HPSE2: variants seen among roughly 807,000 people sequenced by gnomAD.
HPSE2 encodes the protein inactive heparanase-2.
HPSE2 carries 38 observed loss-of-function variants against 60.5 expected under a neutral mutation model. The ratio of observed to expected loss-of-function variants is 0.63; its 90% CI spans 0.48 to 0.82. The LOEUF (loss-of-function observed/expected upper bound fraction) is 0.82. Ranked by LOEUF, HPSE2 falls within the 40% of genes least tolerant of loss-of-function variation. The probability of loss-of-function intolerance (pLI) is 0.00; values close to 1 mark genes in which losing one functional copy is unlikely to be tolerated. For missense variants in HPSE2, 713 were observed against 740.4 expected (o/e 0.96, Z 0.43); for synonymous variants, 295 against 293.2 (o/e 1.01, Z -0.06).
upstream of HPSE2, among the ~76,000 whole-genome samples, chr10:99,238,077 A>C (rs1456658883): frequency 1.3e-5 from 2 of 152,240 alleles, no homozygotes; most frequent in Non-Finnish European, 2.9e-5. Flanking sequence ...TCTCCTTCAA[A>C]AAATACTTAA....
chr10:98,498,297 C>T (rs1353375807), intron 9 of HPSE2, among the ~76,000 whole-genome samples: 1 of 152,154 alleles, frequency 6.6e-6, no homozygotes, highest in Non-Finnish European at 1.5e-5. Flanking sequence ...GGCTGAGGGA[C>T]CCATAGATGG....
intron 3 of HPSE2, among the ~76,000 whole-genome samples, chr10:98,752,205 T>C (rs1949774173): frequency 1.3e-5 from 2 of 152,152 alleles, no homozygotes; most frequent in African/African-American, 2.4e-5. Context: ...TAGAAAAATA[T>C]GTGACTGTGA....
At chr10:99,088,404 T>C (rs1328591268) in intron 3 of HPSE2, among the ~76,000 whole-genome samples, 3 of 152,212 alleles carry the variant, frequency 2.0e-5, no homozygotes, top group Non-Finnish European at 4.4e-5. Context: ...TGTATCATTC[T>C]TATGCCTTTG....
At chr10:98,734,483 G>T (rs188365314) in intron 4 of HPSE2, among the ~76,000 whole-genome samples, 1 of 152,226 alleles carries the variant, frequency 6.6e-6, no homozygotes, top group African/African-American at 2.4e-5. Flanking sequence ...GTGTGTGAAG[G>T]TTTCAGTTTC....
the HPSE2 span, among the ~76,000 whole-genome samples, chr10:99,295,390 A>G: frequency 6.6e-6 from 1 of 152,146 alleles, no homozygotes; most frequent in Non-Finnish European, 1.5e-5. Flanking sequence ...CTACTAAATA[A>G]CCACTGATTT....
At chr10:98,755,454 GATC>G (rs1218893030) in intron 3 of HPSE2, among the ~76,000 whole-genome samples, 1 of 152,242 alleles carries the variant, frequency 6.6e-6, no homozygotes, top group East Asian at 1.9e-4. Context: ...GACAGTATTA[GATC>G]ATCGAGGCAG....
intron 3 of HPSE2, among the ~76,000 whole-genome samples, chr10:99,094,405 A>C (rs910441279): frequency 2.0e-5 from 3 of 150,270 alleles, no homozygotes; most frequent in Admixed American, 2.0e-4. Flanking sequence ...ACACACATAT[A>C]CATTTCTATA....
intron 2 of HPSE2, among the ~76,000 whole-genome samples, chr10:99,178,356 AATAG>A (rs776296056): frequency 1.1e-4 from 17 of 152,022 alleles, no homozygotes; most frequent in East Asian, 1.9e-4. Flanking sequence ...AGATTAACAA[AATAG>A]ATAGGCCACT....
intron 3 of HPSE2, among the ~76,000 whole-genome samples, chr10:98,845,672 C>T (rs1422849981): frequency 1.3e-5 from 2 of 152,178 alleles, no homozygotes; most frequent in African/African-American, 4.8e-5. Flanking sequence ...TGTAAGTGAG[C>T]CTTATTACTT....
the HPSE2 span, among the ~76,000 whole-genome samples, chr10:99,284,464 C>A: frequency 6.6e-6 from 1 of 152,080 alleles, no homozygotes; most frequent in Non-Finnish European, 1.5e-5. Context: ...TCACCTTACA[C>A]CAGATACAAA....
intron 9 of HPSE2, among the ~76,000 whole-genome samples, chr10:98,582,593 C>A (rs1944830767): frequency 1.3e-5 from 2 of 152,138 alleles, no homozygotes; most frequent in Non-Finnish European, 2.9e-5. Flanking sequence ...CAAGCCCTGT[C>A]CCTTCCCAGG....
the HPSE2 span, among the ~76,000 whole-genome samples, chr10:99,249,677 T>C: frequency 2.6e-5 from 4 of 152,112 alleles, no homozygotes; most frequent in Admixed American, 6.5e-5. Context: ...TTGGGAGGGA[T>C]TGTGGGCAGA....
intron 3 of HPSE2, among the ~76,000 whole-genome samples, chr10:98,862,799 G>C (rs891038026): frequency 5.9e-5 from 9 of 152,162 alleles, no homozygotes; most frequent in African/African-American, 2.2e-4. Flanking sequence ...GTCTTGCTCT[G>C]TCACCCAGGC....
the HPSE2 span, among the ~76,000 whole-genome samples, chr10:99,287,956 C>A: frequency 6.6e-6 from 1 of 152,138 alleles, no homozygotes; most frequent in African/African-American, 2.4e-5. Context: ...ATTAAGACAG[C>A]ATGAGGTTAG....
At chr10:98,903,761 A>G (rs1953732536) in intron 3 of HPSE2, among the ~76,000 whole-genome samples, 1 of 152,150 alleles carries the variant, frequency 6.6e-6, no homozygotes, top group Admixed American at 6.5e-5. Context: ...TAAAGTACAA[A>G]GTCAAATAAG....
At chr10:99,001,864 G>A (rs1054317728) in intron 3 of HPSE2, among the ~76,000 whole-genome samples, 1 of 152,072 alleles carries the variant, frequency 6.6e-6, no homozygotes, top group African/African-American at 2.4e-5. Flanking sequence ...CTGATCAAGA[G>A]TCAGCAAATT....
intron 2 of HPSE2, 51 bp downstream of exon 2, chr10:99,232,297 C>A (rs1050330590): frequency 2.0e-6 from 3 of 1,535,214 alleles, no homozygotes; most frequent in Non-Finnish European, 2.6e-6. Context: ...ACAAACACAG[C>A]GGGTGCTTGC....
At chr10:99,155,618 AT>A (rs1414375490) in intron 2 of HPSE2, among the ~76,000 whole-genome samples, 1 of 143,962 alleles carries the variant, frequency 6.9e-6, no homozygotes, top group Non-Finnish European at 1.5e-5. Flanking sequence ...GTAGAGGGAA[AT>A]TTATAGCACT....
At chr10:99,206,114 T>G (rs897868932) in intron 2 of HPSE2, among the ~76,000 whole-genome samples, 2 of 152,216 alleles carry the variant, frequency 1.3e-5, no homozygotes, top group Admixed American at 1.3e-4. Context: ...ATGTCCACCA[T>G]TTCAAGATAG....
Sources: gnomAD v4.1 joint callset for allele counts (sites outside exome capture counted in the v4.1 genomes callset) on GRCh38, gnomAD v4.1.1 for gene constraint, MANE v1.5 for transcripts, NCBI Gene and HGNC (gene_info 2026-07-23, HGNC 2026-07-21) for gene names.